Variants in SLC35F1 observed in about 807,000 individuals in gnomAD.
SLC35F1 encodes solute carrier family 35 member F1, also known as chromosome 6 open reading frame 169.
In SLC35F1, 14 loss-of-function variants were observed where a neutral mutation model predicts 48.7. The observed-to-expected ratio is 0.29, with a 90% CI of 0.19 to 0.45. SLC35F1 has a LOEUF of 0.45. SLC35F1 is among the 20% of genes least tolerant of loss of function. The pLI, the probability that SLC35F1 is intolerant of heterozygous loss-of-function variation, is 1.00. For synonymous variants in SLC35F1, 190 were observed against 202.2 expected (o/e 0.94, Z 0.51); for missense variants, 404 against 500.0 (o/e 0.81, Z 1.83).
chr6:118,210,767 C>T (rs1371947707), intron 2 of SLC35F1, among the ~76,000 whole-genome samples: 1 of 152,190 alleles, frequency 6.6e-6, no homozygotes, highest in Non-Finnish European at 1.5e-5. Context: ...AAATCAACCA[C>T]TTTGTTGAGG....
chr6:117,957,880 CT>C (rs1305486366), intron 1 of SLC35F1, among the ~76,000 whole-genome samples: 1 of 152,108 alleles, frequency 6.6e-6, no homozygotes, highest in Non-Finnish European at 1.5e-5. Context: ...CCATACTATG[CT>C]TTTTATTGTT....
Position 118,148,564 on chromosome 6 carries a change from C to G in SLC35F1, c.174-5881C>G, listed in dbSNP as rs1582694623. Among the ~76,000 whole-genome samples, 3 of 152,258 alleles carry G rather than the reference C, an allele frequency of 2.0e-5. No homozygotes were observed. The South Asian group carries it at 6.2e-4, about 32-fold the overall frequency. On this transcript the variant is annotated intron_variant, in intron 1 of 7. Transcript: ENST00000360388. Reference sequence around the variant, plus strand: ...AGCACTATTTTTCTTGAGACTCATGCATTTTTCATTGTCTAGTCATTCTGA... The same window carrying G: ...AGCACTATTTTTCTTGAGACTCATGGATTTTTCATTGTCTAGTCATTCTGA...
At chr6:118,219,037 A>G (rs906309771) in intron 2 of SLC35F1, among the ~76,000 whole-genome samples, 2 of 152,208 alleles carry the variant, frequency 1.3e-5, no homozygotes, top group African/African-American at 4.8e-5. Context: ...TTTTGAAGGA[A>G]GTCTATTTCT....
At chr6:118,248,755 T>C (rs1775537871) in intron 3 of SLC35F1, among the ~76,000 whole-genome samples, 1 of 152,236 alleles carries the variant, frequency 6.6e-6, no homozygotes, top group Non-Finnish European at 1.5e-5. Context: ...TGGTCATTTA[T>C]TACAGCAGCA....
At chr6:118,279,504 T>C (rs1197154833) in intron 6 of SLC35F1, among the ~76,000 whole-genome samples, 1 of 152,162 alleles carries the variant, frequency 6.6e-6, no homozygotes, top group Non-Finnish European at 1.5e-5. Flanking sequence ...AATGAATGAA[T>C]GGCAAGCAAC....
At chr6:118,227,716 G>A (rs1775236911) in intron 2 of SLC35F1, among the ~76,000 whole-genome samples, 1 of 152,058 alleles carries the variant, frequency 6.6e-6, no homozygotes, top group African/African-American at 2.4e-5. Context: ...TATAGGGTGG[G>A]CAAAAACAAA....
At chr6:118,217,951 C>A (rs1775097158) in intron 2 of SLC35F1, among the ~76,000 whole-genome samples, 1 of 152,142 alleles carries the variant, frequency 6.6e-6, no homozygotes, top group South Asian at 2.1e-4. Context: ...AAGAGAGAAG[C>A]CTAATTCTTC....
chr6:117,976,440 G>A (rs1278815312), intron 1 of SLC35F1, among the ~76,000 whole-genome samples: 1 of 152,128 alleles, frequency 6.6e-6, no homozygotes, highest in East Asian at 1.9e-4. Context: ...TCAGTTTTAA[G>A]GGAGGAAAAT....
chr6:118,106,119 A>G (rs1773323657), intron 1 of SLC35F1, among the ~76,000 whole-genome samples: 1 of 152,162 alleles, frequency 6.6e-6, no homozygotes, highest in Non-Finnish European at 1.5e-5. Context: ...AAAAGTTAGA[A>G]GCCTGAAAAC....
Position 118,199,143 on chromosome 6 carries a change from A to G in SLC35F1, c.350-36366A>G, listed in dbSNP as rs558810101. Among the ~76,000 whole-genome samples the G allele has an allele frequency of 6.6e-5, 10 of 152,314 alleles. No homozygotes were observed. The South Asian group carries it at 2.1e-3, about 32-fold the overall frequency. On this transcript the variant is annotated intron_variant, in intron 2 of 7. Transcript: ENST00000360388. ...TATTGCTGACCCAAAGTATTGTAGG[A>G]CATCCTGTTCTAGGAAGGATGAGGA...
intron 3 of SLC35F1, among the ~76,000 whole-genome samples, chr6:118,254,336 C>T (rs551163847): frequency 2.6e-4 from 39 of 152,268 alleles, no homozygotes; most frequent in Middle Eastern, 6.8e-3. Context: ...AGCTGGAGTG[C>T]GGTGGTATGA....
At chr6:117,941,083 T>C (rs1424676522) in intron 1 of SLC35F1, among the ~76,000 whole-genome samples, 1 of 152,234 alleles carries the variant, frequency 6.6e-6, no homozygotes. Flanking sequence ...TCCCTGGTCA[T>C]GGTTTATCTC....
At chr6:117,955,623 A>C (rs12525817) in intron 1 of SLC35F1, among the ~76,000 whole-genome samples, 2 of 152,172 alleles carry the variant, frequency 1.3e-5, no homozygotes, top group Admixed American at 1.3e-4. Flanking sequence ...TCTCCATCTC[A>C]CCACTTCACC....
rs1250761960 is a variant in SLC35F1, at chr6:117,907,730, A to T, written c.4A>T (p.Ile2Phe). The change falls in exon 1 of 8, where the codon ATC becomes TTC. Residue 2 changes from isoleucine (I) to phenylalanine (F), a missense_variant. By Grantham distance (21) the Ile-to-Phe change is conservative. Around this residue, in one of 2 missense-constraint regions of SLC35F1, gnomAD observed 98 missense variants for 81.0 expected, o/e 1.21. Coordinates refer to ENST00000360388, the MANE Select transcript of SLC35F1 (RefSeq NM_001029858.4). ...CCGCGCCTCAGCCTCTGCCGCGATG[A>T]TCCCCCCTGAGCAGCCGCAGCAGCA... The part of the protein sequence containing the change: M[I>F]PPEQPQQQLQ... 1.3e-6 allele frequency: 2 copies of T among 1,524,866 alleles called. No individual in the cohort carries two copies. The highest frequency in any genetic ancestry group is 2.9e-5 in the African/African-American group (2 of 69,428). 94.5% of individuals were successfully genotyped at this position (1,524,866 alleles called of 1,614,324 possible).
chr6:118,314,037 C>G lies in SLC35F1; in HGVS notation c.1012C>G (p.Leu338Val). 2 of 1,614,158 alleles carry G rather than the reference C, an allele frequency of 1.2e-6. No homozygotes were observed. Among genetic ancestry groups the G allele is most frequent in the Non-Finnish European group, 1.7e-6 (2 of 1,180,022 alleles). Residue 338 changes from leucine to valine, a missense_variant, in exon 8 of 8, where the codon CTT (leucine) becomes GTT (valine). Leu to Val is a conservative substitution (Grantham distance 32). This residue lies in a region of SLC35F1 where 306 missense variants were observed against 419.1 expected (regional missense o/e 0.73). Transcript: ENST00000360388. ...TGTTGTGTTTTTTTAGTTTTCAGGACTTTATCTCCTGTCTTTCTTCACCAT... is the reference window on the plus strand; with the variant it reads ...TGTTGTGTTTTTTTAGTTTTCAGGAGTTTATCTCCTGTCTTTCTTCACCAT... ...LFLFHYKFSG[L>V]YLLSFFTILI...
intron 1 of SLC35F1, among the ~76,000 whole-genome samples, chr6:117,949,033 C>T (rs563898205): frequency 7.9e-5 from 12 of 152,134 alleles, no homozygotes; most frequent in East Asian, 1.9e-4. Context: ...ATGCCCCAAG[C>T]GGGGTGCTAT....
At chr6:118,025,878 T>A (rs915031884) in intron 1 of SLC35F1, among the ~76,000 whole-genome samples, 1 of 152,158 alleles carries the variant, frequency 6.6e-6, no homozygotes, top group Admixed American at 6.6e-5. Flanking sequence ...TGAAATAAAA[T>A]AGAGGTCAGT....
intron 1 of SLC35F1, among the ~76,000 whole-genome samples, chr6:118,061,586 G>GTATATATATATATATATATA (rs780630752): frequency 5.6e-4 from 82 of 145,360 alleles, no homozygotes; most frequent in African/African-American, 2.1e-3. Flanking sequence ...GTGTGTGTGT[G>GTATATATATATATATATATA]TGTGTATATA....
chr6:118,262,877 A>G (rs1167842990), intron 3 of SLC35F1, among the ~76,000 whole-genome samples: 1 of 152,018 alleles, frequency 6.6e-6, no homozygotes, highest in African/African-American at 2.4e-5. Flanking sequence ...GCTTGAGCCC[A>G]GGAGATTGAG....
Sources: allele counts gnomAD v4.1 joint callset (sites outside exome capture counted in the v4.1 genomes callset), GRCh38; gene constraint gnomAD v4.1.1; regional missense constraint gnomAD v4.1.1; transcripts MANE v1.5; gene names NCBI Gene and HGNC (gene_info 2026-07-23, HGNC 2026-07-21).